CCDC13: variants seen among roughly 807,000 people sequenced by gnomAD.
The protein encoded by CCDC13 is coiled-coil domain-containing protein 13.
Under a neutral mutation model 87.3 loss-of-function variants are expected in CCDC13, and 70 were observed. The observed-to-expected ratio is 0.80, with a 90% CI of 0.66 to 0.98. The LOEUF is 0.98. CCDC13 is among the 50% of genes least tolerant of loss of function. CCDC13 has a pLI of 0.00. For missense variants in CCDC13, 842 were observed against 892.0 expected (o/e 0.94, Z 0.71); for synonymous variants, 317 against 360.3 (o/e 0.88, Z 1.36).
At chr3:42,719,926 G>T (rs1698522282) in intron 13 of CCDC13, among the ~76,000 whole-genome samples, 1 of 152,156 alleles carries the variant, frequency 6.6e-6, no homozygotes, top group African/African-American at 2.4e-5. Context: ...ATGTCTTTTA[G>T]TTCCTGTGAC....
chr3:42,745,797 C>T (rs1699375958), intron 7 of CCDC13, 126 bp downstream of exon 7: 2 of 636,410 alleles, frequency 3.1e-6, no homozygotes, highest in Non-Finnish European at 5.6e-6. Flanking sequence ...CGCACGAGTG[C>T]ACTGTGAGAC....
At position 42,739,765 on chromosome 3, in the gene CCDC13, G is replaced by A; in HGVS notation, c.1033C>T (p.Leu345=). Residue 345 remains leucine, a synonymous_variant, in exon 9 of 16, where the codon CTA becomes TTA. Transcript: ENST00000310232. ...CTCATGCCCTCGAACTTCTTTTTTA[G>A]CTCTTCAAGCTCTCTCTGGAGGACA... is the stretch of plus-strand genomic sequence containing the variant. ...RDVLQRELEE[L]KKKFEGMRSR... is the part of the protein sequence containing the mutation. 1 of 1,614,116 alleles carries A rather than the reference G, an allele frequency of 6.2e-7. No individual in the cohort carries two copies. Among genetic ancestry groups the A allele is most frequent in the Non-Finnish European group, 8.5e-7 (1 of 1,180,012 alleles).
intron 13 of CCDC13, among the ~76,000 whole-genome samples, chr3:42,715,506 G>A (rs1559636950): frequency 6.6e-6 from 1 of 152,006 alleles, no homozygotes; most frequent in Non-Finnish European, 1.5e-5. Context: ...CAGTTACTTG[G>A]AAGGCTGAGG....
chr3:42,746,228 G>A, intron 6 of CCDC13: 1 of 547,758 alleles, frequency 1.8e-6, no homozygotes, highest in Non-Finnish European at 3.3e-6. Context: ...CATCATCCCT[G>A]GCATTTCTTG....
intron 9 of CCDC13, among the ~76,000 whole-genome samples, chr3:42,738,215 G>A (rs1348355818): frequency 6.6e-6 from 1 of 152,148 alleles, no homozygotes; most frequent in African/African-American, 2.4e-5. Context: ...AAGATCAGAT[G>A]GTTGTAGATG....
intron 13 of CCDC13, among the ~76,000 whole-genome samples, chr3:42,727,066 A>C (rs3912102): frequency 0.19 from 29,626 of 152,150 alleles, 3,044 homozygotes; most frequent in South Asian, 0.28. Flanking sequence ...AGACAGGCAA[A>C]ATAAAGACAT....
chr3:42,725,776 C>T (rs978869016), intron 13 of CCDC13, among the ~76,000 whole-genome samples: 2 of 151,984 alleles, frequency 1.3e-5, no homozygotes, highest in Admixed American at 6.6e-5. Flanking sequence ...ATGCAGAACA[C>T]CTCCACAGAA....
intron 13 of CCDC13, among the ~76,000 whole-genome samples, chr3:42,723,509 G>A (rs1039069909): frequency 6.6e-6 from 1 of 152,258 alleles, no homozygotes; most frequent in Middle Eastern, 3.4e-3. Flanking sequence ...CATGTATATC[G>A]GGGGTGGGAA....
chr3:42,710,979 C>T (rs1180654960), intron 14 of CCDC13, among the ~76,000 whole-genome samples: 1 of 151,904 alleles, frequency 6.6e-6, no homozygotes, highest in African/African-American at 2.4e-5. Flanking sequence ...GGTGCGGTGG[C>T]TCATGCCTAT....
At position 42,707,198 on chromosome 3, in the gene CCDC13, T is replaced by G. The variant is rs1258985558; in HGVS notation, c.*1782A>C. ...GCTCCTCAGGGCCTGCAGGAGAAGGTGCTGACTCCTCTGTGTTCAGACTCT... is the reference window on the plus strand; with the variant it reads ...GCTCCTCAGGGCCTGCAGGAGAAGGGGCTGACTCCTCTGTGTTCAGACTCT... On this transcript the variant is annotated 3_prime_UTR_variant, in exon 16 of 16. Coordinates refer to ENST00000310232, the MANE Select transcript of CCDC13 (RefSeq NM_144719.4). 2.0e-5 allele frequency among the ~76,000 whole-genome samples: 3 copies of G among 152,118 alleles called. No individual in the cohort carries two copies. Among genetic ancestry groups the G allele is most frequent in the Non-Finnish European group, 4.4e-5 (3 of 68,004 alleles).
downstream of CCDC13, among the ~76,000 whole-genome samples, chr3:42,705,220 C>A (rs1047267013): frequency 1.3e-5 from 2 of 152,122 alleles, no homozygotes; most frequent in African/African-American, 4.8e-5. Context: ...GTGCTCAGGG[C>A]TGGCTGTGGG....
chr3:42,742,097 T>C (rs905712393), intron 8 of CCDC13, among the ~76,000 whole-genome samples: 2 of 152,198 alleles, frequency 1.3e-5, no homozygotes, highest in African/African-American at 4.8e-5. Flanking sequence ...CCTACTCTCA[T>C]TGCAAGTTTG....
Position 42,758,120 on chromosome 3 carries a change from T to C in CCDC13, c.221+5A>G, listed in dbSNP as rs375487733. The C allele has an allele frequency of 4.2e-5, 68 of 1,610,800 alleles. No homozygotes were observed. The highest frequency in any genetic ancestry group is 5.6e-5 in the Non-Finnish European group (66 of 1,177,732). On this transcript the variant is annotated splice_donor_5th_base_variant and intron_variant, in intron 2 of 15. Transcript: ENST00000310232. The stretch of plus-strand genomic sequence containing the variant: ...ACCCCTGAGAGATTTCAAACTTGCA[T>C]TTACCTCTTCTCAAAGCTATTTTTC...
At chr3:42,723,982 A>G (rs1698629013) in intron 13 of CCDC13, among the ~76,000 whole-genome samples, 1 of 152,224 alleles carries the variant, frequency 6.6e-6, no homozygotes, top group African/African-American at 2.4e-5. Flanking sequence ...TTAAAAACAA[A>G]TAAATATAAG....
intron 1 of CCDC13, among the ~76,000 whole-genome samples, chr3:42,759,553 C>T (rs756363229): frequency 1.3e-5 from 2 of 152,126 alleles, no homozygotes; most frequent in Non-Finnish European, 2.9e-5. Flanking sequence ...AGTCGTTAGC[C>T]TTTTGTGTCT....
At chr3:42,720,578 G>A (rs1466215434) in intron 13 of CCDC13, among the ~76,000 whole-genome samples, 1 of 152,234 alleles carries the variant, frequency 6.6e-6, no homozygotes, top group African/African-American at 2.4e-5. Context: ...CATGCGAGGT[G>A]TGTAAAGAAA....
intron 14 of CCDC13, among the ~76,000 whole-genome samples, chr3:42,712,784 C>T (rs550951279): frequency 6.6e-6 from 1 of 152,330 alleles, no homozygotes; most frequent in African/African-American, 2.4e-5. Flanking sequence ...GGGACTCCTC[C>T]CCTGCTTCAG....
chr3:42,722,361 A>G (rs1698583969), intron 13 of CCDC13, among the ~76,000 whole-genome samples: 1 of 152,216 alleles, frequency 6.6e-6, no homozygotes, highest in Non-Finnish European at 1.5e-5. Context: ...TGTCAGAGGC[A>G]TTTGAACAAG....
chr3:42,743,510 C>T (rs138403395), intron 7 of CCDC13, among the ~76,000 whole-genome samples: 1,687 of 147,072 alleles, frequency 0.011, 39 homozygotes, highest in African/African-American at 0.04. Context: ...CTCTGCCTCC[C>T]GGGCTCAAGC....
Sources: gnomAD v4.1 joint callset for allele counts (sites outside exome capture counted in the v4.1 genomes callset) on GRCh38, gnomAD v4.1.1 for gene constraint, MANE v1.5 for transcripts, NCBI Gene and HGNC (gene_info 2026-07-23, HGNC 2026-07-21) for gene names.